CRADD: variants seen among roughly 807,000 people sequenced by gnomAD.
The protein encoded by CRADD is death domain-containing protein CRADD.
CRADD carries 9 observed loss-of-function variants against 15.5 expected under a neutral mutation model. The observed-to-expected ratio is 0.58, with a 90% CI of 0.35 to 1.01. CRADD has a LOEUF of 1.01. Among genes scored for constraint, CRADD ranks in the 50% least tolerant of loss-of-function variants. The probability of loss-of-function intolerance (pLI) is 0.02; values close to 1 mark genes in which losing one functional copy is unlikely to be tolerated. For missense variants in CRADD, 227 were observed against 250.3 expected (o/e 0.91, Z 0.63); for synonymous variants, 118 against 107.6 (o/e 1.10, Z -0.60).
intron 2 of CRADD, among the ~76,000 whole-genome samples, chr12:93,877,631 C>T (rs1162136563): frequency 2.0e-5 from 3 of 152,216 alleles, no homozygotes; most frequent in Non-Finnish European, 2.9e-5. Flanking sequence ...TAGCCACTGC[C>T]ACTCCAGGCC....
intron 2 of CRADD, among the ~76,000 whole-genome samples, chr12:93,809,874 C>T (rs1957600033): frequency 6.6e-6 from 1 of 152,162 alleles, no homozygotes; most frequent in Non-Finnish European, 1.5e-5. Context: ...TCAACAGTCT[C>T]ATCCCTTCCC....
intron 2 of CRADD, among the ~76,000 whole-genome samples, chr12:93,868,735 C>A (rs1254835456): frequency 1.3e-5 from 2 of 151,550 alleles, no homozygotes; most frequent in African/African-American, 2.4e-5. Flanking sequence ...AAAATAGGCA[C>A]AAACTGGAGG....
At chr12:93,833,303 A>G (rs1957931225) in intron 2 of CRADD, among the ~76,000 whole-genome samples, 2 of 152,186 alleles carry the variant, frequency 1.3e-5, no homozygotes, top group South Asian at 4.1e-4. Context: ...ATATGCTTTC[A>G]AAGAAGAGTG....
chr12:93,828,104 A>G (rs547965112), intron 2 of CRADD, among the ~76,000 whole-genome samples: 2 of 152,226 alleles, frequency 1.3e-5, no homozygotes, highest in Non-Finnish European at 1.5e-5. Flanking sequence ...TTTGCCATCC[A>G]TGTATCTTCT....
At chr12:93,860,465 A>C (rs1016314044) in intron 2 of CRADD, among the ~76,000 whole-genome samples, 13 of 152,322 alleles carry the variant, frequency 8.5e-5, no homozygotes, top group African/African-American at 3.1e-4. Flanking sequence ...AGTCAATGTG[A>C]CAGTCTGTAA....
chr12:93,851,391 G>A (rs371818472), downstream of CRADD, among the ~76,000 whole-genome samples: 9 of 152,204 alleles, frequency 5.9e-5, no homozygotes, highest in South Asian at 1.2e-3. Flanking sequence ...CCTGCTCCCC[G>A]CCTACTAGGT....
At chr12:93,777,250 G>A (rs1483013732) in intron 2 of CRADD, among the ~76,000 whole-genome samples, 1 of 152,154 alleles carries the variant, frequency 6.6e-6, no homozygotes, top group Non-Finnish European at 1.5e-5. Context: ...TCTAGGGGTG[G>A]ATGGTGGAGT....
intron 2 of CRADD, among the ~76,000 whole-genome samples, chr12:93,689,060 AC>A (rs1313876139): frequency 6.6e-6 from 1 of 152,166 alleles, no homozygotes; most frequent in Non-Finnish European, 1.5e-5. Context: ...GGGTCATGGA[AC>A]AGAGCCCCTG....
At chr12:93,689,552 A>G (rs1238760458) in intron 2 of CRADD, among the ~76,000 whole-genome samples, 2 of 152,200 alleles carry the variant, frequency 1.3e-5, no homozygotes, top group African/African-American at 2.4e-5. Flanking sequence ...TTTTACTCCT[A>G]GGCTTTATTT....
intron 2 of CRADD, among the ~76,000 whole-genome samples, chr12:93,818,854 G>T (rs2137016318): frequency 6.6e-6 from 1 of 152,316 alleles, no homozygotes; most frequent in African/African-American, 2.4e-5. Flanking sequence ...GTGAGAGGCG[G>T]CCTGGCCCCA....
chr12:93,768,384 G>A (rs951130850), intron 2 of CRADD, among the ~76,000 whole-genome samples: 22 of 152,048 alleles, frequency 1.4e-4, no homozygotes, highest in Non-Finnish European at 2.9e-4. Context: ...AGAAGAAGAT[G>A]GATTATGGAT....
intron 2 of CRADD, among the ~76,000 whole-genome samples, chr12:93,835,226 A>G (rs1957960760): frequency 6.6e-6 from 1 of 152,156 alleles, no homozygotes; most frequent in South Asian, 2.1e-4. Context: ...TATCATCCCT[A>G]GGAGTAATAT....
chr12:93,757,404 GA>G (rs887212444), intron 2 of CRADD, among the ~76,000 whole-genome samples: 37 of 152,238 alleles, frequency 2.4e-4, no homozygotes, highest in African/African-American at 8.9e-4. Context: ...GTTATCTGTA[GA>G]AAAATAGATG....
chr12:93,887,358 C>G (rs567099733), intron 2 of CRADD, among the ~76,000 whole-genome samples: 1 of 152,288 alleles, frequency 6.6e-6, no homozygotes, highest in East Asian at 1.9e-4. Flanking sequence ...CGGCAGATCT[C>G]AATGCCAGGG....
rs11107157 is a variant in CRADD, at chr12:93,692,217, C to T, written c.298+13145C>T. Among the ~76,000 whole-genome samples the T allele has an allele frequency of 9.3e-3, 1,408 of 152,116 alleles. 16 individuals are homozygous for T. The highest frequency in any genetic ancestry group is 0.033 in the African/African-American group (1,349 of 41,482). On this transcript the variant is annotated intron_variant, in intron 2 of 2. Transcript: ENST00000332896. Reference sequence around the variant, plus strand: ...AGAATGAAAAGGAATGAAGAAAGCTCATGGGATTTATGAGACAGCATCAAA... The same window carrying T: ...AGAATGAAAAGGAATGAAGAAAGCTTATGGGATTTATGAGACAGCATCAAA...
At chr12:93,831,824 G>C (rs1957907476) in intron 2 of CRADD, among the ~76,000 whole-genome samples, 1 of 152,250 alleles carries the variant, frequency 6.6e-6, no homozygotes, top group Non-Finnish European at 1.5e-5. Flanking sequence ...CATGCAGTCA[G>C]GTCACTGATT....
chr12:93,836,522 A>G (rs958120394), intron 2 of CRADD, among the ~76,000 whole-genome samples: 1 of 152,158 alleles, frequency 6.6e-6, no homozygotes, highest in Non-Finnish European at 1.5e-5. Context: ...TGGCATAAAA[A>G]GAGGTAACAG....
In CRADD at chr12:93,677,454, A is replaced by G. The variant is rs972814944; in HGVS notation, c.-25A>G. 1.3e-5 allele frequency: 2 copies of G among 152,236 alleles called. No individual in the cohort carries two copies. The highest frequency in any genetic ancestry group is 4.8e-5 in the African/African-American group (2 of 41,452). The allele number at this position is 152,236 out of a possible 1,614,324, so 9.4% of individuals were successfully genotyped here. On this transcript the variant is annotated 5_prime_UTR_variant, in exon 1 of 3. Transcript: ENST00000332896. ...GTTGCAGTTTTTCTCCCCCGCCCCA[A>G]AGATACGTGGTTGCAGACGTAAGTA...
At chr12:93,701,111 T>A (rs1955835350) in intron 2 of CRADD, among the ~76,000 whole-genome samples, 1 of 152,242 alleles carries the variant, frequency 6.6e-6, no homozygotes, top group African/African-American at 2.4e-5. Context: ...CAGACATTTT[T>A]AAATTCATTT....
Sources: allele counts gnomAD v4.1 joint callset (sites outside exome capture counted in the v4.1 genomes callset), GRCh38; gene constraint gnomAD v4.1.1; transcripts MANE v1.5; gene names NCBI Gene and HGNC (gene_info 2026-07-23, HGNC 2026-07-21).